Variants in ATAD2B observed in about 807,000 individuals in gnomAD.
The protein encoded by ATAD2B is ATPase family AAA domain-containing protein 2B.
Under a neutral mutation model 167.6 loss-of-function variants are expected in ATAD2B, and 40 were observed. The observed-to-expected ratio is 0.24, with a 90% CI of 0.19 to 0.31. ATAD2B has a LOEUF of 0.31. ATAD2B is among the 10% of genes least tolerant of loss of function. The pLI is 1.00. For synonymous variants in ATAD2B, 579 were observed against 596.5 expected (o/e 0.97, Z 0.43); for missense variants, 1,242 against 1,757.2 (o/e 0.71, Z 5.24).
In ATAD2B at chr2:23,867,881, A is replaced by C; in HGVS notation, c.1142T>G (p.Val381Gly). The C allele has an allele frequency of 6.2e-7, 1 of 1,613,698 alleles. No individual in the cohort carries two copies. The highest frequency in any genetic ancestry group is 8.5e-7 in the Non-Finnish European group (1 of 1,179,744). Residue 381 changes from valine (V) to glycine (G), a missense_variant, in exon 10 of 28, where the codon GTG (valine) becomes GGG (glycine). Around this residue, in one of 9 missense-constraint regions of ATAD2B, gnomAD observed 127 missense variants for 146.3 expected, o/e 0.87. Transcript: ENST00000238789. ...ASGILRERVK[V>G]GASLADVDPM... is the part of the protein sequence containing the mutation. Reference sequence around the variant, plus strand: ...ATCAACATCAGCCAAGCTTGCACCCACTTTCACTCGTTCTCGGAGAATACC... The same window carrying C: ...ATCAACATCAGCCAAGCTTGCACCCCCTTTCACTCGTTCTCGGAGAATACC...
chr2:23,898,240 G>C (rs1297824037), intron 1 of ATAD2B, among the ~76,000 whole-genome samples: 2 of 152,126 alleles, frequency 1.3e-5, no homozygotes, highest in Non-Finnish European at 2.9e-5. Flanking sequence ...ACCACACCTC[G>C]CCCAGCAACT....
At position 23,751,971 on chromosome 2, in the gene ATAD2B, TTTGAAA is replaced by T; in HGVS notation, c.*69_*74del. The T allele has an allele frequency of 8.6e-7, 1 of 1,159,858 alleles. No homozygotes were observed. The highest frequency in any genetic ancestry group is 1.2e-6 in the Non-Finnish European group (1 of 800,154). 71.8% of individuals were successfully genotyped at this position (1,159,858 alleles called of 1,614,324 possible). A position where few individuals can be genotyped will look rare whatever the true frequency, so the allele number is the denominator to read the frequency against. On this transcript the variant is annotated 3_prime_UTR_variant, in exon 28 of 28. Transcript: ENST00000238789. ...AAGGCTCTGCACATAATTGGTGCAATTTGAAATTGAATGGCTCAGAAGACTGCTCTG... is the reference window on the plus strand; with the variant it reads ...AAGGCTCTGCACATAATTGGTGCAATTTGAATGGCTCAGAAGACTGCTCTG...
the ATAD2B span, among the ~76,000 whole-genome samples, chr2:23,678,683 G>C: frequency 2.6e-5 from 4 of 152,178 alleles, no homozygotes; most frequent in Non-Finnish European, 4.4e-5. Context: ...AAGGATGAAT[G>C]GTTAAACAGT....
At chr2:23,775,150 A>C (rs115457386) in intron 22 of ATAD2B, among the ~76,000 whole-genome samples, 3,456 of 152,142 alleles carry the variant, frequency 0.023, 136 homozygotes, top group African/African-American at 0.078. Flanking sequence ...AAATCAGAAA[A>C]ATCTTTCATG....
chr2:23,700,414 C>G, the ATAD2B span, among the ~76,000 whole-genome samples: 1 of 152,230 alleles, frequency 6.6e-6, no homozygotes, highest in Non-Finnish European at 1.5e-5. This position sits in a 1 kb window ranked among gnomAD's most constrained non-coding sequence, Gnocchi z 4.6. Flanking sequence ...CTCTCTTGGG[C>G]CTTGAGGTTA....
the ATAD2B span, among the ~76,000 whole-genome samples, chr2:23,726,158 G>A: frequency 0.046 from 7,059 of 152,214 alleles, 230 homozygotes; most frequent in Middle Eastern, 0.071. Context: ...ATTTACAACA[G>A]CCAAAAACTG....
At chr2:23,746,221 G>A (rs1039893478), downstream of ATAD2B, among the ~76,000 whole-genome samples, 1 of 152,192 alleles carries the variant, frequency 6.6e-6, no homozygotes, top group Non-Finnish European at 1.5e-5. Flanking sequence ...ACAAGAAGCA[G>A]TCAAGCATAG....
At chr2:23,785,938 T>C in intron 21 of ATAD2B, 89 bp downstream of exon 21, 1 of 1,210,148 alleles carries the variant, frequency 8.3e-7, no homozygotes. Flanking sequence ...ATCCATGCCT[T>C]TGCTTTTTTT....
intron 17 of ATAD2B, among the ~76,000 whole-genome samples, chr2:23,819,451 A>C (rs1687101470): frequency 6.7e-6 from 1 of 149,758 alleles, no homozygotes; most frequent in Non-Finnish European, 1.5e-5. Flanking sequence ...AGATCATGCC[A>C]CTGCACTCTA....
the ATAD2B span, among the ~76,000 whole-genome samples, chr2:23,688,046 C>T: frequency 1.3e-5 from 2 of 152,196 alleles, no homozygotes; most frequent in Non-Finnish European, 2.9e-5. Flanking sequence ...CCTTCACCCT[C>T]TTCCCTGAGC....
chr2:23,888,872 C>G (rs4665643), intron 2 of ATAD2B, among the ~76,000 whole-genome samples: 111,348 of 152,070 alleles, frequency 0.73, 41,173 homozygotes, highest in East Asian at 0.85. Context: ...TCTGACAAAT[C>G]AAACAGCTGA....
intron 26 of ATAD2B, 76 bp from the exon 27 acceptor site, chr2:23,754,383 G>T: frequency 7.2e-7 from 1 of 1,384,056 alleles, no homozygotes; most frequent in African/African-American, 1.5e-5. Flanking sequence ...CAAATGGCTA[G>T]TCAATAAACA....
In ATAD2B at chr2:23,875,928, A is replaced by G; in HGVS notation, c.902-24T>C. The G allele has an allele frequency of 3.3e-6, 5 of 1,493,240 alleles. No individual in the cohort carries two copies. The South Asian group carries it at 5.9e-5, about 18-fold the overall frequency. The allele number at this position is 1,493,240 out of a possible 1,614,324, so 92.5% of individuals were successfully genotyped here. ...TACTAAAAGGGAAGAAAAGGATAAT[A>G]GAGAAATAACTAATAAATTGATAAA... On this transcript the variant is annotated intron_variant, in intron 7 of 27. Coordinates refer to ENST00000238789, the MANE Select transcript of ATAD2B (RefSeq NM_017552.4).
chr2:23,691,524 A>G, the ATAD2B span: 1 of 629,316 alleles, frequency 1.6e-6, no homozygotes, highest in Non-Finnish European at 2.8e-6. Flanking sequence ...ATCCCGTGTC[A>G]CAGCATTAGG....
At chr2:23,813,870 A>G (rs561503430) in intron 17 of ATAD2B, among the ~76,000 whole-genome samples, 1 of 152,334 alleles carries the variant, frequency 6.6e-6, no homozygotes. Context: ...TAAAAGATTC[A>G]TTTATTTTTA....
intron 1 of ATAD2B, among the ~76,000 whole-genome samples, chr2:23,899,482 T>C (rs891409500): frequency 6.6e-6 from 1 of 152,196 alleles, no homozygotes; most frequent in African/African-American, 2.4e-5. Context: ...CCAAACTATA[T>C]TCAGCACAGG....
chr2:23,827,614 G>C (rs1022425179), intron 15 of ATAD2B, among the ~76,000 whole-genome samples: 6 of 152,226 alleles, frequency 3.9e-5, no homozygotes, highest in African/African-American at 1.4e-4. Context: ...TAAATAAAAG[G>C]GGTCTATTTT....
intron 13 of ATAD2B, among the ~76,000 whole-genome samples, chr2:23,845,417 T>C (rs1248410416): frequency 6.6e-6 from 1 of 151,782 alleles, no homozygotes. Flanking sequence ...CTCAAAACCA[T>C]TATACTTAGC....
Position 23,823,406 on chromosome 2 carries a change from C to T in ATAD2B, c.1983G>A (p.Val661=), listed in dbSNP as rs1484301975. 9.3e-6 allele frequency: 15 copies of T among 1,613,836 alleles called. No homozygotes were observed. Among genetic ancestry groups the T allele is most frequent in the Non-Finnish European group, 1.3e-5 (15 of 1,179,896 alleles). ...QDFYHAMQNI[V]PASQRAVMSS... is the part of the protein sequence containing the mutation. ...ACATCACAGCACGTTGGGAAGCAGG[C>T]ACGATATTCTGCATTGCATGGTAAA... The change falls in exon 16 of 28, where the codon GTG becomes GTA. Residue 661 remains valine (V), a synonymous_variant. Coordinates refer to ENST00000238789, the MANE Select transcript of ATAD2B (RefSeq NM_017552.4).
Sources: gnomAD v4.1 joint callset for allele counts (sites outside exome capture counted in the v4.1 genomes callset) on GRCh38, gnomAD v4.1.1 for gene constraint, gnomAD v4.1.1 regional missense constraint, Gnocchi (gnomAD v3.1) non-coding constraint, MANE v1.5 for transcripts, NCBI Gene and HGNC (gene_info 2026-07-23, HGNC 2026-07-21) for gene names.